The following MCM7 variants were observed in gnomAD, a reference collection of about 807,000 sequenced individuals.
The protein encoded by MCM7 is minichromosome maintenance complex component 7, also known as DNA replication licensing factor MCM7.
A neutral mutation model predicts 83.5 loss-of-function variants in MCM7; 95 were observed. The observed-to-expected ratio is 1.14, with a 90% CI of 0.96 to 1.35. The LOEUF (loss-of-function observed/expected upper bound fraction) is 1.35, where lower values mean the gene tolerates loss of function less well. MCM7 is among the 40% of genes most tolerant of loss of function. The pLI is 0.00. For synonymous variants in MCM7, 461 were observed against 352.7 expected (o/e 1.31, Z -3.44); for missense variants, 1,087 against 957.4 (o/e 1.14, Z -1.79).
At chr7:100,095,269 A>G (rs1795558338) in intron 12 of MCM7, 118 bp downstream of exon 12, 2 of 854,014 alleles carry the variant, frequency 2.3e-6, no homozygotes, top group Admixed American at 4.0e-5. Context: ...GGCTCTGGAC[A>G]TGTCTGTAGC....
In MCM7 at chr7:100,094,176, A is replaced by G; in HGVS notation, c.1845T>C (p.Ala615=). 1 of 1,614,190 alleles carries G rather than the reference A, an allele frequency of 6.2e-7. No individual in the cohort carries two copies. Among genetic ancestry groups the G allele is most frequent in the East Asian group, 2.2e-5 (1 of 44,884 alleles). Residue 615 remains alanine (A), a synonymous_variant, in exon 13 of 15, where the codon GCT becomes GCC. Transcript: ENST00000303887. ...CTCCAGCAATTTGGGCACTTACCAG[A>G]GCAGTGGAAAGGCGCAGGATAGCCA... The part of the protein sequence containing the change: ...TLLAILRLST[A]LARLRMVDVV...
At chr7:100,100,299 G>A (rs1288618930) in intron 1 of MCM7, 13 of 1,315,686 alleles carry the variant, frequency 9.9e-6, no homozygotes, top group African/African-American at 4.5e-5. Flanking sequence ...AGTGCACAGG[G>A]CCATCCAACA....
intron 6 of MCM7, 88 bp from the exon 7 acceptor site, chr7:100,098,378 G>A (rs779625649): frequency 6.1e-4 from 932 of 1,536,774 alleles, no homozygotes; most frequent in Non-Finnish European, 7.6e-4. Flanking sequence ...AGGCTCCCAG[G>A]CTACCCAGCC....
chr7:100,096,189 ACC>A, intron 10 of MCM7, 22 bp from the exon 11 acceptor site: 2 of 1,536,572 alleles, frequency 1.3e-6, no homozygotes, highest in Non-Finnish European at 1.7e-6. Context: ...GAAATAAGGA[ACC>A]ATGAGAGAGA....
chr7:100,101,309 G>T lies in MCM7; in HGVS notation c.-15C>A. ...TTCAGTGCCATCGCTGCCGAGGGCC[G>T]TGCGGCCGCGCTTGGCGGGCTCAGA... On this transcript the variant is annotated 5_prime_UTR_variant, in exon 1 of 15. Transcript: ENST00000303887. The T allele has an allele frequency of 6.2e-7, 1 of 1,613,082 alleles. No individual in the cohort carries two copies.
At position 100,098,570 on chromosome 7, in the gene MCM7, A is replaced by G. The variant is rs757206023; in HGVS notation, c.720+8T>C. 1 of 1,614,134 alleles carries G rather than the reference A, an allele frequency of 6.2e-7. No homozygotes were observed. Among genetic ancestry groups the G allele is most frequent in the Admixed American group, 1.7e-5 (1 of 60,016 alleles). On this transcript the variant is annotated splice_region_variant and intron_variant, in intron 6 of 14. Transcript: ENST00000303887. ...CCACCTGCCCAGGGCCACGTACCCC[A>G]AACTCACATGTTCTTGCATCTTCAT...
At chr7:100,100,246 C>T (rs1431104574) in intron 1 of MCM7, 153 bp from the exon 2 acceptor site, 4 of 1,416,840 alleles carry the variant, frequency 2.8e-6, no homozygotes, top group Non-Finnish European at 3.7e-6. Context: ...AACTCTTTTT[C>T]ACAAGTCTGT....
chr7:100,101,377 T>C lies in MCM7; in HGVS notation c.-83A>G, dbSNP rs1007476797. On this transcript the variant is annotated 5_prime_UTR_variant, in exon 1 of 15. Coordinates refer to ENST00000303887, the MANE Select transcript of MCM7 (RefSeq NM_005916.5). ...AGCTGAGAATCTCCGCGCGGTGGAC[T>C]GTGGCCGGCCAACCGAAATTGGCGC... 10 of 1,583,772 alleles carry C rather than the reference T, an allele frequency of 6.3e-6. No individual in the cohort carries two copies. The Admixed American group carries it at 8.4e-5, about 13-fold the overall frequency.
intron 13 of MCM7, 118 bp downstream of exon 13, chr7:100,094,055 A>G: frequency 7.8e-7 from 1 of 1,290,074 alleles, no homozygotes; most frequent in Non-Finnish European, 1.1e-6. Context: ...CTGCACTGTC[A>G]GCACTTTAGC....
At chr7:100,097,074 C>A (rs1211909388) in intron 10 of MCM7, among the ~76,000 whole-genome samples, 1 of 152,170 alleles carries the variant, frequency 6.6e-6, no homozygotes, top group Non-Finnish European at 1.5e-5. Flanking sequence ...GCACTCCGGC[C>A]TGGGCGAAAG....
At chr7:100,097,146 C>T (rs1344562750) in intron 10 of MCM7, among the ~76,000 whole-genome samples, 155 bp downstream of exon 10, 4 of 152,184 alleles carry the variant, frequency 2.6e-5, no homozygotes, top group East Asian at 1.9e-4. Context: ...GACATGGAAG[C>T]GGTCTCAAAA....
In MCM7 at chr7:100,099,761, G is replaced by T; in HGVS notation, c.112-8C>A. 6.2e-7 allele frequency: 1 copy of T among 1,613,470 alleles called. No individual in the cohort carries two copies. The highest frequency in any genetic ancestry group is 8.5e-7 in the Non-Finnish European group (1 of 1,179,864). On this transcript the variant is annotated splice_polypyrimidine_tract_variant and splice_region_variant and intron_variant, in intron 2 of 14. Transcript: ENST00000303887. ...CCGATGAGCCAGCCGAACCTCAAGT[G>T]GGGAAGAGACAGAAACACCTCAGAG...
intron 11 of MCM7, 102 bp from the exon 12 acceptor site, chr7:100,095,572 G>A (rs913745642): frequency 1.5e-6 from 2 of 1,329,176 alleles, no homozygotes; most frequent in East Asian, 2.4e-5. Flanking sequence ...CACAGTGTAG[G>A]AGGGACAAGC....
At position 100,098,245 on chromosome 7, in the gene MCM7, G is replaced by A; in HGVS notation, c.766C>T (p.Leu256=). 6.2e-7 allele frequency: 1 copy of A among 1,614,078 alleles called. No individual in the cohort carries two copies. Among genetic ancestry groups the A allele is most frequent in the Non-Finnish European group, 8.5e-7 (1 of 1,179,992 alleles). ...ATCCTTGTGTTCTCTCCTTCTACCA[G>A]CACCGTGATACTACGAGGGATATTT... ...VGNIPRSITV[L]VEGENTRIAQ... The change falls in exon 7 of 15, where the codon CTG becomes TTG. Residue 256 remains leucine (L), a synonymous_variant. Transcript: ENST00000303887.
chr7:100,093,850 C>A, intron 13 of MCM7: 1 of 640,762 alleles, frequency 1.6e-6, no homozygotes. Context: ...GCCCCCAGGA[C>A]TGAGGTCCAA....
intron 1 of MCM7, chr7:100,100,882 G>A: frequency 9.5e-7 from 1 of 1,052,102 alleles, no homozygotes; most frequent in Non-Finnish European, 1.1e-6. Context: ...CGCGCCTGGG[G>A]AGGGCGCGGG....
At chr7:100,097,489 A>G (rs1795701316) in intron 9 of MCM7, 105 bp from the exon 10 acceptor site, 1 of 1,571,812 alleles carries the variant, frequency 6.4e-7, no homozygotes, top group Non-Finnish European at 8.7e-7. Flanking sequence ...CACTATTTCT[A>G]AGCCCTCCCT....
chr7:100,098,837 A>G (rs1438848068), intron 5 of MCM7, 122 bp from the exon 6 acceptor site: 1 of 1,426,436 alleles, frequency 7.0e-7, no homozygotes, highest in South Asian at 1.3e-5. Context: ...AACCCTCTGA[A>G]CTTACTCTGG....
intron 8 of MCM7, 29 bp downstream of exon 8, chr7:100,097,805 G>A: frequency 6.2e-7 from 1 of 1,613,970 alleles, no homozygotes; most frequent in Non-Finnish European, 8.5e-7. Flanking sequence ...GATGTAAACG[G>A]AATTTCCTCT....
Sources: gnomAD v4.1 joint callset for allele counts (sites outside exome capture counted in the v4.1 genomes callset) on GRCh38, gnomAD v4.1.1 for gene constraint, MANE v1.5 for transcripts, NCBI Gene and HGNC (gene_info 2026-07-23, HGNC 2026-07-21) for gene names.